The following GALNTL6 variants were observed in gnomAD, a reference collection of about 807,000 sequenced individuals.
The protein encoded by GALNTL6 is polypeptide N-acetylgalactosaminyltransferase like 6.
A neutral mutation model predicts 73.7 loss-of-function variants in GALNTL6; 46 were observed. The ratio of observed to expected loss-of-function variants is 0.62; its 90% CI spans 0.49 to 0.80. GALNTL6 has a LOEUF of 0.80. GALNTL6 is among the 30% of genes least tolerant of loss of function. The pLI is 0.00. For missense variants in GALNTL6, 604 were observed against 755.0 expected, an observed-to-expected ratio of 0.80 and a Z score of 2.34; for synonymous variants, 259 against 263.7, an observed-to-expected ratio of 0.98 and a Z score of 0.17.
At chr4:172,849,103 C>T (rs1429789092) in intron 7 of GALNTL6, among the ~76,000 whole-genome samples, 1 of 151,998 alleles carries the variant, frequency 6.6e-6, no homozygotes, top group East Asian at 1.9e-4. Flanking sequence ...GGGGGAGATA[C>T]CAAGATTTCA....
intron 2 of GALNTL6, among the ~76,000 whole-genome samples, chr4:172,175,921 A>G (rs1734975138): frequency 6.6e-6 from 1 of 152,208 alleles, no homozygotes; most frequent in South Asian, 2.1e-4. Context: ...AAAAATCAAT[A>G]TAGTTGAATA....
chr4:172,800,008 G>A (rs1054146370), intron 5 of GALNTL6, among the ~76,000 whole-genome samples: 1 of 152,102 alleles, frequency 6.6e-6, no homozygotes, highest in Non-Finnish European at 1.5e-5. Context: ...AGACAAGTAG[G>A]CCAGTCACAT....
intron 2 of GALNTL6, among the ~76,000 whole-genome samples, chr4:172,025,348 T>G (rs1309302643): frequency 6.6e-6 from 1 of 151,990 alleles, no homozygotes; most frequent in Non-Finnish European, 1.5e-5. Flanking sequence ...TTATGAATAT[T>G]TAACTTCCTT....
intron 8 of GALNTL6, among the ~76,000 whole-genome samples, chr4:172,896,677 A>G (rs1226737889): frequency 1.3e-5 from 2 of 152,160 alleles, no homozygotes; most frequent in African/African-American, 2.4e-5. Flanking sequence ...CATGTTTCCT[A>G]GCAGGTCCCT....
intron 10 of GALNTL6, among the ~76,000 whole-genome samples, chr4:172,982,308 C>T (rs1751101464): frequency 6.6e-6 from 1 of 152,194 alleles, no homozygotes; most frequent in African/African-American, 2.4e-5. Context: ...GACTCAATCA[C>T]CACGGGACAT....
chr4:172,106,225 T>C (rs1228563518), intron 2 of GALNTL6, among the ~76,000 whole-genome samples: 1 of 152,108 alleles, frequency 6.6e-6, no homozygotes, highest in African/African-American at 2.4e-5. Context: ...TATTCAACAA[T>C]AAAAATACAG....
chr4:172,476,373 C>T (rs1733232044), intron 5 of GALNTL6, among the ~76,000 whole-genome samples: 1 of 152,170 alleles, frequency 6.6e-6, no homozygotes, highest in African/African-American at 2.4e-5. Flanking sequence ...GGCCCCACAT[C>T]CCGATACCAT....
chr4:172,183,096 G>C (rs867090352), intron 2 of GALNTL6, among the ~76,000 whole-genome samples: 13 of 152,136 alleles, frequency 8.5e-5, no homozygotes, highest in Middle Eastern at 6.8e-3. Flanking sequence ...GTACATATTT[G>C]CTTTGCTTTG....
At chr4:171,860,904 T>C in intron 2 of GALNTL6, among the ~76,000 whole-genome samples, 1 of 152,114 alleles carries the variant, frequency 6.6e-6, no homozygotes, top group Non-Finnish European at 1.5e-5. Context: ...ATAACGCCAA[T>C]TCCAAAGTCT....
intron 8 of GALNTL6, among the ~76,000 whole-genome samples, chr4:172,897,074 C>T (rs543396894): frequency 2.0e-5 from 3 of 152,328 alleles, no homozygotes; most frequent in Non-Finnish European, 2.9e-5. Flanking sequence ...GAAAGGCAAA[C>T]ATCTCCCAGC....
chr4:172,373,803 G>T (rs1742918354), intron 5 of GALNTL6, among the ~76,000 whole-genome samples: 2 of 152,194 alleles, frequency 1.3e-5, no homozygotes, highest in Admixed American at 6.5e-5. Flanking sequence ...CTGAGGAGGT[G>T]GGAGAAATAC....
intron 3 of GALNTL6, among the ~76,000 whole-genome samples, chr4:172,305,565 A>G (rs1740101823): frequency 6.6e-6 from 1 of 152,166 alleles, no homozygotes; most frequent in African/African-American, 2.4e-5. Flanking sequence ...TCTGAGTATT[A>G]TCATAAATAT....
At chr4:172,899,917 G>A (rs1746534040) in intron 8 of GALNTL6, among the ~76,000 whole-genome samples, 1 of 152,182 alleles carries the variant, frequency 6.6e-6, no homozygotes, top group Non-Finnish European at 1.5e-5. Flanking sequence ...AGGACACGCA[G>A]AAGTCATTTT....
intron 2 of GALNTL6, among the ~76,000 whole-genome samples, chr4:171,950,231 G>A (rs1486132002): frequency 6.6e-6 from 1 of 151,980 alleles, no homozygotes. Context: ...TCAAGATAAA[G>A]GCATTTTAAT....
At chr4:172,690,984 G>T (rs1049145606) in intron 5 of GALNTL6, among the ~76,000 whole-genome samples, 1 of 152,208 alleles carries the variant, frequency 6.6e-6, no homozygotes, top group Non-Finnish European at 1.5e-5. Context: ...GGCACGCTCA[G>T]AAATTGGCTT....
intron 8 of GALNTL6, among the ~76,000 whole-genome samples, chr4:172,914,801 G>C (rs1045842176): frequency 6.6e-6 from 1 of 152,142 alleles, no homozygotes; most frequent in Non-Finnish European, 1.5e-5. Flanking sequence ...ATAATAACAG[G>C]AGACTTTAAC....
chr4:172,758,746 G>A (rs898558249), intron 5 of GALNTL6, among the ~76,000 whole-genome samples: 3 of 152,134 alleles, frequency 2.0e-5, no homozygotes, highest in Non-Finnish European at 4.4e-5. Context: ...TCCTACCCAG[G>A]ACATGAATCA....
chr4:172,417,315 A>G (rs763957098), intron 5 of GALNTL6, among the ~76,000 whole-genome samples: 41 of 152,100 alleles, frequency 2.7e-4, no homozygotes, highest in Non-Finnish European at 4.1e-4. Context: ...TCTCCAAGGG[A>G]AATTATGCAC....
intron 8 of GALNTL6, among the ~76,000 whole-genome samples, chr4:172,905,261 T>C (rs1746823295): frequency 6.6e-6 from 1 of 152,144 alleles, no homozygotes; most frequent in South Asian, 2.1e-4. Context: ...TTAACCTAAT[T>C]TATTTTAGCT....
Sources: gnomAD v4.1 joint callset for allele counts (sites outside exome capture counted in the v4.1 genomes callset) on GRCh38, gnomAD v4.1.1 for gene constraint, MANE v1.5 for transcripts, NCBI Gene and HGNC (gene_info 2026-07-23, HGNC 2026-07-21) for gene names.